Variants in ADNP2 observed in about 807,000 individuals in gnomAD.
ADNP2 encodes activity-dependent neuroprotector homeobox protein 2.
Under a neutral mutation model 16.4 loss-of-function variants are expected in ADNP2, and 8 were observed. That is an observed-to-expected ratio of 0.49 (90% CI 0.29 to 0.88). ADNP2 has a LOEUF of 0.88. Among genes scored for constraint, ADNP2 ranks in the 40% least tolerant of loss-of-function variants. The pLI, the probability that ADNP2 is intolerant of heterozygous loss-of-function variation, is 0.09. For synonymous variants in ADNP2, 637 were observed against 545.8 expected, an observed-to-expected ratio of 1.17 and a Z score of -2.33; for missense variants, 1,397 against 1,395.1, an observed-to-expected ratio of 1.00 and a Z score of -0.02.
intron 2 of ADNP2, among the ~76,000 whole-genome samples, chr18:80,129,615 A>G (rs960733102): frequency 2.6e-5 from 4 of 151,126 alleles, no homozygotes; most frequent in Non-Finnish European, 5.9e-5. Context: ...TTAAATGAGA[A>G]GTTCTACTGA....
In ADNP2 at chr18:80,138,318, A is replaced by T; in HGVS notation, c.2905A>T (p.Met969Leu). ...SELLLVSGEV[M>L]HDSSFSVKRK... is the part of the protein sequence containing the mutation. ...ACTGCTTTTAGTCAGTGGTGAAGTG[A>T]TGCATGATTCCAGTTTTTCTGTTAA... Residue 969 changes from methionine to leucine, a missense_variant, in exon 4 of 4, where the codon ATG (methionine) becomes TTG (leucine). By Grantham distance (15) the Met-to-Leu change is conservative. Around this residue, in one of 3 missense-constraint regions of ADNP2, gnomAD observed 611 missense variants for 648.7 expected, o/e 0.94. Coordinates refer to ENST00000262198, the MANE Select transcript of ADNP2 (RefSeq NM_014913.4). 1 of 1,614,126 alleles carries T rather than the reference A, an allele frequency of 6.2e-7. No individual in the cohort carries two copies. Among genetic ancestry groups the T allele is most frequent in the Non-Finnish European group, 8.5e-7 (1 of 1,180,042 alleles).
In ADNP2 at chr18:80,137,698, T is replaced by C. The variant is rs1397399140; in HGVS notation, c.2285T>C (p.Ile762Thr). ...TGCTTGGTCTCTGAGGAAGAGCTTATACACCACTTGCTGATGCATGGCTTG... is the reference window on the plus strand; with the variant it reads ...TGCTTGGTCTCTGAGGAAGAGCTTACACACCACTTGCTGATGCATGGCTTG... ...CKCLVSEEEL[I>T]HHLLMHGLGC... Residue 762 changes from isoleucine to threonine, a missense_variant, in exon 4 of 4, where the codon ATA (isoleucine) becomes ACA (threonine). Ile to Thr is a moderately conservative substitution (Grantham distance 89). Transcript: ENST00000262198. This position sits in a 1 kb window ranked among gnomAD's most constrained non-coding sequence, Gnocchi z 4.2. The C allele has an allele frequency of 1.2e-6, 2 of 1,614,212 alleles. No individual in the cohort carries two copies. Among genetic ancestry groups the C allele is most frequent in the Admixed American group, 1.7e-5 (1 of 60,026 alleles).
rs555554150 is a variant in ADNP2, at chr18:80,113,890, T to C, written c.-13-3640T>C. On this transcript the variant is annotated intron_variant, in intron 1 of 3. Coordinates refer to ENST00000262198, the MANE Select transcript of ADNP2 (RefSeq NM_014913.4). ...AGTAGAATTGCTTACTCAGAAATTG[T>C]CCTTAAAAATCATGAGAGAGCTGGG... Among the ~76,000 whole-genome samples the C allele has an allele frequency of 3.5e-4, 53 of 152,124 alleles. 1 individual carries two copies. In the South Asian group the frequency reaches 9.5e-3, roughly 27 times the overall value.
chr18:80,121,564 ATTG>A (rs968710573), intron 2 of ADNP2, among the ~76,000 whole-genome samples: 12 of 152,046 alleles, frequency 7.9e-5, no homozygotes, highest in Admixed American at 4.6e-4. Context: ...TATTTTTTCT[ATTG>A]TTGTTGGTGT....
At chr18:80,115,721 C>T (rs897789288) in intron 1 of ADNP2, among the ~76,000 whole-genome samples, 19 of 152,180 alleles carry the variant, frequency 1.2e-4, no homozygotes, top group Middle Eastern at 3.2e-3. Context: ...GAGTTCAGAA[C>T]GAAGAAGCCC....
rs372603925 is a variant in ADNP2 at position 80,137,426 on chromosome 18, C to T, written c.2013C>T (p.Ser671=). Residue 671 remains serine (S), a synonymous_variant, in exon 4 of 4, where the codon AGC becomes AGT. Coordinates refer to ENST00000262198, the MANE Select transcript of ADNP2 (RefSeq NM_014913.4). This position sits in a 1 kb window ranked among gnomAD's most constrained non-coding sequence, Gnocchi z 4.2. ...SPPVLVNAAQ[S]VFVQASSSAA... Reference sequence around the variant, plus strand: ...CAGTGCTGGTGAATGCTGCTCAGAGCGTGTTTGTTCAGGCCTCCTCCTCTG... The same window carrying T: ...CAGTGCTGGTGAATGCTGCTCAGAGTGTGTTTGTTCAGGCCTCCTCCTCTG... 8.1e-6 allele frequency: 13 copies of T among 1,614,072 alleles called. No individual in the cohort carries two copies. Among genetic ancestry groups the T allele is most frequent in the Admixed American group, 3.3e-5 (2 of 60,014 alleles).
intron 3 of ADNP2, among the ~76,000 whole-genome samples, chr18:80,134,860 A>G (rs1025096137): frequency 2.0e-5 from 3 of 152,172 alleles, no homozygotes; most frequent in Non-Finnish European, 1.5e-5. Flanking sequence ...TTTATTGGGT[A>G]CCTGCATGGG....
chr18:80,119,592 A>C (rs1239602821), intron 2 of ADNP2, among the ~76,000 whole-genome samples: 2 of 152,174 alleles, frequency 1.3e-5, no homozygotes, highest in African/African-American at 2.4e-5. Flanking sequence ...CTTCAATCTT[A>C]GCAAGAGTTA....
intron 2 of ADNP2, among the ~76,000 whole-genome samples, chr18:80,130,804 A>G (rs2052491402): frequency 7.5e-6 from 1 of 133,852 alleles, no homozygotes; most frequent in African/African-American, 2.9e-5. Flanking sequence ...CTCCTTTACC[A>G]CTTCACAGTC....
intron 1 of ADNP2, among the ~76,000 whole-genome samples, chr18:80,116,507 A>G (rs12970270): frequency 0.19 from 27,280 of 144,232 alleles, 2,725 homozygotes; most frequent in Middle Eastern, 0.26. Context: ...GGAATGTATG[A>G]GAGTTCCAAT....
intron 2 of ADNP2, 72 bp downstream of exon 2, chr18:80,117,722 G>A (rs917044914): frequency 2.6e-6 from 3 of 1,165,866 alleles, no homozygotes; most frequent in Non-Finnish European, 3.7e-6. Flanking sequence ...GAGTGGGTAA[G>A]ATTCCTCAAA....
intron 2 of ADNP2, 101 bp downstream of exon 2, chr18:80,117,751 C>T (rs1476311233): frequency 2.5e-6 from 2 of 805,834 alleles, no homozygotes; most frequent in Non-Finnish European, 2.0e-6. Flanking sequence ...TGCTGTTATA[C>T]TTCAGATGGC....
At chr18:80,117,023 G>T (rs920761004) in intron 1 of ADNP2, among the ~76,000 whole-genome samples, 4 of 152,154 alleles carry the variant, frequency 2.6e-5, no homozygotes, top group Non-Finnish European at 5.9e-5. Flanking sequence ...TGTAAACTGG[G>T]TTATCTGTGT....
chr18:80,110,630 C>T (rs983815780), intron 1 of ADNP2, among the ~76,000 whole-genome samples: 1 of 152,108 alleles, frequency 6.6e-6, no homozygotes, highest in African/African-American at 2.4e-5. Flanking sequence ...ACATGTTCAG[C>T]TGTATTTGGA....
At chr18:80,132,694 C>T (rs71369938) in intron 2 of ADNP2, among the ~76,000 whole-genome samples, 1 of 149,378 alleles carries the variant, frequency 6.7e-6, no homozygotes, top group Non-Finnish European at 1.5e-5. Context: ...TCTCCTCTCC[C>T]CTCCCCTCTC....
In ADNP2 at chr18:80,137,701, A is replaced by G. The variant is rs2052551137; in HGVS notation, c.2288A>G (p.His763Arg). 6.2e-7 allele frequency: 1 copy of G among 1,614,108 alleles called. No individual in the cohort carries two copies. Among genetic ancestry groups the G allele is most frequent in the Non-Finnish European group, 8.5e-7 (1 of 1,180,014 alleles). ...KCLVSEEELI[H>R]HLLMHGLGCL... ...TTGGTCTCTGAGGAAGAGCTTATAC[A>G]CCACTTGCTGATGCATGGCTTGGGG... is the stretch of plus-strand genomic sequence containing the variant. The change falls in exon 4 of 4, where the codon CAC (histidine) becomes CGC (arginine). Residue 763 changes from histidine to arginine, a missense_variant. Transcript: ENST00000262198. This position sits in a 1 kb window ranked among gnomAD's most constrained non-coding sequence, Gnocchi z 4.2.
At position 80,137,744 on chromosome 18, in the gene ADNP2, C is replaced by G; in HGVS notation, c.2331C>G (p.Cys777Trp). The change falls in exon 4 of 4, where the codon TGC (cysteine) becomes TGG (tryptophan). Residue 777 changes from cysteine to tryptophan, a missense_variant. By Grantham distance (215) the Cys-to-Trp change is radical. Transcript: ENST00000262198. The surrounding 1 kb of genome is among the most constrained non-coding windows in gnomAD (Gnocchi z 4.2). Reference sequence around the variant, plus strand: ...GCTTGGGGTGCTTGTTCTGTCCATGCACCTTCCATGATATCAAAGGTCTTT... The same window carrying G: ...GCTTGGGGTGCTTGTTCTGTCCATGGACCTTCCATGATATCAAAGGTCTTT... ...MHGLGCLFCPCTFHDIKGLSE... is the reference protein window; with the variant it reads ...MHGLGCLFCPWTFHDIKGLSE... 1 of 1,614,112 alleles carries G rather than the reference C, an allele frequency of 6.2e-7. No individual in the cohort carries two copies. The highest frequency in any genetic ancestry group is 8.5e-7 in the Non-Finnish European group (1 of 1,180,038).
chr18:80,123,930 A>C (rs568116397), intron 2 of ADNP2, among the ~76,000 whole-genome samples: 1 of 148,342 alleles, frequency 6.7e-6, no homozygotes, highest in South Asian at 2.1e-4. Flanking sequence ...GGGTTTCACC[A>C]TGTTGGCCAG....
Position 80,138,257 on chromosome 18 carries a change from C to G in ADNP2, c.2844C>G (p.Asp948Glu). The part of the protein sequence containing the change: ...CRSAPKDSSS[D>E]LQAQPGFIHN... ...GTGCTCCCAAGGACAGCAGCTCAGA[C>G]CTGCAGGCCCAGCCGGGTTTTATTC... Residue 948 changes from aspartate to glutamate, a missense_variant, in exon 4 of 4, where the codon GAC becomes GAG. Coordinates refer to ENST00000262198, the MANE Select transcript of ADNP2 (RefSeq NM_014913.4). 6.2e-7 allele frequency: 1 copy of G among 1,614,142 alleles called. No individual in the cohort carries two copies. The highest frequency in any genetic ancestry group is 1.1e-5 in the South Asian group (1 of 91,074).
Sources: gnomAD v4.1 joint callset for allele counts (sites outside exome capture counted in the v4.1 genomes callset) on GRCh38, gnomAD v4.1.1 for gene constraint, gnomAD v4.1.1 regional missense constraint, Gnocchi (gnomAD v3.1) non-coding constraint, MANE v1.5 for transcripts, NCBI Gene and HGNC (gene_info 2026-07-23, HGNC 2026-07-21) for gene names.